The following RIGI variants were observed in gnomAD, a reference collection of about 807,000 sequenced individuals.
RIGI encodes RNA sensor RIG-I.
chr9:32,464,437 T>C, the RIGI span, among the ~76,000 whole-genome samples: 3 of 152,322 alleles, frequency 2.0e-5, no homozygotes, highest in African/African-American at 7.2e-5. Context: ...TTGCCCAGGC[T>C]GGAGTGCAGT....
chr9:32,477,949 T>A, the RIGI span, among the ~76,000 whole-genome samples: 2 of 151,776 alleles, frequency 1.3e-5, no homozygotes, highest in East Asian at 3.9e-4. Context: ...AGAAAAAAAA[T>A]ACATATAGTT....
chr9:32,519,799 TA>T, the RIGI span, among the ~76,000 whole-genome samples: 14 of 152,178 alleles, frequency 9.2e-5, no homozygotes, highest in East Asian at 5.8e-4. Context: ...GATTAAGTCA[TA>T]AAAAAAATTA....
chr9:32,460,619 G>A, the RIGI span, among the ~76,000 whole-genome samples: 2 of 152,052 alleles, frequency 1.3e-5, no homozygotes, highest in Admixed American at 1.3e-4. Flanking sequence ...ACAATGAAAT[G>A]GAAGACATAA....
chr9:32,485,318 T>C, the RIGI span: 1 of 1,389,922 alleles, frequency 7.2e-7, no homozygotes, highest in Non-Finnish European at 9.9e-7. Flanking sequence ...AAAAAAAGAG[T>C]GAGTATATTT....
At chr9:32,487,842 T>G in the RIGI span, 2 of 1,414,230 alleles carry the variant, frequency 1.4e-6, no homozygotes, top group Non-Finnish European at 9.6e-7. Context: ...CAATATGGAC[T>G]TGGGACCTGA....
chr9:32,516,282 G>C, the RIGI span, among the ~76,000 whole-genome samples: 4 of 152,184 alleles, frequency 2.6e-5, no homozygotes, highest in African/African-American at 9.7e-5. Flanking sequence ...GGGAGATGGA[G>C]TTGAGACTAA....
the RIGI span, among the ~76,000 whole-genome samples, chr9:32,460,132 T>G: frequency 1.3e-5 from 2 of 152,206 alleles, no homozygotes; most frequent in Non-Finnish European, 2.9e-5. Context: ...CACTTTTGCT[T>G]CTTCCTCATT....
the RIGI span, among the ~76,000 whole-genome samples, chr9:32,494,886 T>C: frequency 6.6e-6 from 1 of 152,170 alleles, no homozygotes; most frequent in Non-Finnish European, 1.5e-5. Flanking sequence ...TAATATTCCA[T>C]TGTATGTGTA....
At chr9:32,492,432 T>C in the RIGI span, 1 of 1,614,180 alleles carries the variant, frequency 6.2e-7, no homozygotes, top group Non-Finnish European at 8.5e-7. Flanking sequence ...GTTCCTTTCT[T>C]TCTCCAAAGC....
the RIGI span, among the ~76,000 whole-genome samples, chr9:32,476,524 C>A: frequency 1.3e-5 from 2 of 151,642 alleles, no homozygotes; most frequent in Non-Finnish European, 2.9e-5. Context: ...GAAAAAAAAA[C>A]AACACAGTGA....
chr9:32,509,342 C>T, the RIGI span, among the ~76,000 whole-genome samples: 1 of 152,216 alleles, frequency 6.6e-6, no homozygotes, highest in East Asian at 1.9e-4. Flanking sequence ...ACACCTCATA[C>T]AGGAGAGCTC....
At chr9:32,508,584 C>A in the RIGI span, among the ~76,000 whole-genome samples, 3 of 152,068 alleles carry the variant, frequency 2.0e-5, no homozygotes, top group African/African-American at 7.2e-5. Context: ...CTATGCTTTT[C>A]CCCCCAAGTC....
the RIGI span, among the ~76,000 whole-genome samples, chr9:32,516,259 T>C: frequency 6.6e-6 from 1 of 152,160 alleles, no homozygotes; most frequent in African/African-American, 2.4e-5. Flanking sequence ...AAACCCCTAA[T>C]TTTAGTGGGT....
the RIGI span, among the ~76,000 whole-genome samples, chr9:32,460,540 C>T: frequency 6.6e-6 from 1 of 151,620 alleles, no homozygotes; most frequent in African/African-American, 2.4e-5. Flanking sequence ...TTTTAAAGCA[C>T]CTAATAAAGA....
chr9:32,524,659 G>C, the RIGI span, among the ~76,000 whole-genome samples: 1 of 127,774 alleles, frequency 7.8e-6, no homozygotes, highest in Admixed American at 9.2e-5. Flanking sequence ...CCCAGGCTGA[G>C]TGCAGTGGTG....
chr9:32,509,865 A>G, the RIGI span, among the ~76,000 whole-genome samples: 2 of 152,156 alleles, frequency 1.3e-5, no homozygotes, highest in Non-Finnish European at 1.5e-5. Flanking sequence ...AGTGACAACT[A>G]GAATAACCAG....
At chr9:32,460,453 A>C in the RIGI span, among the ~76,000 whole-genome samples, 1 of 152,230 alleles carries the variant, frequency 6.6e-6, no homozygotes, top group Admixed American at 6.5e-5. Context: ...AAAACTCTTC[A>C]TACCAATAAA....
chr9:32,509,991 A>G, the RIGI span, among the ~76,000 whole-genome samples: 1 of 151,968 alleles, frequency 6.6e-6, no homozygotes, highest in Non-Finnish European at 1.5e-5. Context: ...GATATCAGAG[A>G]TTGAAGATGA....
At chr9:32,519,973 A>G in the RIGI span, among the ~76,000 whole-genome samples, 2 of 152,204 alleles carry the variant, frequency 1.3e-5, no homozygotes, top group African/African-American at 2.4e-5. Context: ...CTAGAAACCA[A>G]TCTTGGAAAT....
Sources: gnomAD v4.1 joint callset for allele counts (sites outside exome capture counted in the v4.1 genomes callset) on GRCh38, gnomAD v4.1.1 for gene constraint, MANE v1.5 for transcripts, NCBI Gene and HGNC (gene_info 2026-07-23, HGNC 2026-07-21) for gene names.